Variants in PARD3B observed in about 807,000 individuals in gnomAD.
PARD3B encodes par-3 family cell polarity regulator beta, also known as partitioning defective 3 homolog B.
PARD3B carries 103 observed loss-of-function variants against 130.2 expected under a neutral mutation model. The observed-to-expected ratio is 0.79, with a 90% CI of 0.67 to 0.93. PARD3B has a LOEUF of 0.93. PARD3B is among the 40% of genes least tolerant of loss of function. The probability of loss-of-function intolerance (pLI) is 0.00; values close to 1 mark genes in which losing one functional copy is unlikely to be tolerated. For synonymous variants in PARD3B, 583 were observed against 553.2 expected (o/e 1.05, Z -0.76); for missense variants, 1,609 against 1,499.2 (o/e 1.07, Z -1.21).
At chr2:205,528,595 G>A (rs574643770) in intron 21 of PARD3B, among the ~76,000 whole-genome samples, 11 of 151,912 alleles carry the variant, frequency 7.2e-5, no homozygotes, top group African/African-American at 9.7e-5. Context: ...AGGTTCAAGC[G>A]ATTCTTCTGC....
chr2:205,210,453 G>A (rs1478685579), intron 15 of PARD3B, among the ~76,000 whole-genome samples: 3 of 152,032 alleles, frequency 2.0e-5, no homozygotes, highest in Non-Finnish European at 4.4e-5. Flanking sequence ...AATAAATGTA[G>A]CGTGATTCAC....
intron 2 of PARD3B, among the ~76,000 whole-genome samples, chr2:204,837,444 A>G (rs1178310623): frequency 6.8e-6 from 1 of 147,614 alleles, no homozygotes. Context: ...TTTTTGAGAC[A>G]GATTCTTACT....
At chr2:204,836,217 T>C (rs2044025926) in intron 2 of PARD3B, among the ~76,000 whole-genome samples, 1 of 152,190 alleles carries the variant, frequency 6.6e-6, no homozygotes, top group East Asian at 1.9e-4. Context: ...GAGATATAAC[T>C]TGTGGATTCA....
intron 18 of PARD3B, among the ~76,000 whole-genome samples, chr2:205,339,235 T>C (rs2043427777): frequency 6.6e-6 from 1 of 152,186 alleles, no homozygotes; most frequent in African/African-American, 2.4e-5. Context: ...GAAAATAAAA[T>C]TTTAATGATA....
At chr2:205,359,370 T>G (rs2044308147) in intron 18 of PARD3B, among the ~76,000 whole-genome samples, 1 of 152,232 alleles carries the variant, frequency 6.6e-6, no homozygotes, top group South Asian at 2.1e-4. Flanking sequence ...CTTATGCATG[T>G]ACTCTGGCTG....
intron 2 of PARD3B, among the ~76,000 whole-genome samples, chr2:204,840,457 C>T (rs2044218303): frequency 6.6e-6 from 1 of 152,036 alleles, no homozygotes; most frequent in South Asian, 2.1e-4. Context: ...GTTTTACCCT[C>T]CCAAATTACC....
intron 22 of PARD3B, among the ~76,000 whole-genome samples, chr2:205,581,248 A>G (rs1271305680): frequency 8.2e-6 from 1 of 121,870 alleles, no homozygotes; most frequent in Non-Finnish European, 1.7e-5. Flanking sequence ...ATAGATATAT[A>G]TAGATATATA....
intron 22 of PARD3B, among the ~76,000 whole-genome samples, chr2:205,586,444 G>A (rs1460883522): frequency 3.3e-5 from 5 of 152,056 alleles, no homozygotes; most frequent in African/African-American, 1.2e-4. Flanking sequence ...ATCCAGAAAG[G>A]GTTCTGTTGG....
chr2:205,054,968 G>A (rs751694718), intron 4 of PARD3B, among the ~76,000 whole-genome samples: 3 of 152,118 alleles, frequency 2.0e-5, no homozygotes, highest in South Asian at 2.1e-4. Flanking sequence ...GCCATGTGCA[G>A]TATCTCTATT....
rs2047086022 is a variant in PARD3B, at chr2:204,907,691, G to T, written c.223-57461G>T. Among the ~76,000 whole-genome samples, 1 of 151,802 alleles carries T rather than the reference G, an allele frequency of 6.6e-6. No homozygotes were observed. The highest frequency in any genetic ancestry group is 1.5e-5 in the Non-Finnish European group (1 of 67,932). ...CATGGGCTTGTTTCTATAAAGAGTG[G>T]TTTTTTTGTCTTGTTTTGTTTTGTT... On this transcript the variant is annotated intron_variant, in intron 2 of 22. Transcript: ENST00000406610. This position sits in a 1 kb window ranked among gnomAD's most constrained non-coding sequence, Gnocchi z 5.7.
At chr2:205,395,052 G>T (rs1453307059) in intron 18 of PARD3B, among the ~76,000 whole-genome samples, 1 of 152,146 alleles carries the variant, frequency 6.6e-6, no homozygotes, top group Non-Finnish European at 1.5e-5. Context: ...ATTCTTCTCT[G>T]TCCTCCATCT....
At chr2:205,204,411 C>T (rs2125832123) in intron 15 of PARD3B, among the ~76,000 whole-genome samples, 1 of 152,298 alleles carries the variant, frequency 6.6e-6, no homozygotes, top group East Asian at 1.9e-4. Flanking sequence ...CCTGTTCACT[C>T]TGATGATAGT....
intron 2 of PARD3B, among the ~76,000 whole-genome samples, chr2:204,719,914 G>A (rs1016156776): frequency 2.0e-5 from 3 of 152,116 alleles, no homozygotes; most frequent in African/African-American, 7.2e-5. Context: ...TAAATCTCAG[G>A]AAGAATGTAT....
chr2:205,539,933 A>C (rs971799088), intron 21 of PARD3B, among the ~76,000 whole-genome samples: 26 of 152,180 alleles, frequency 1.7e-4, no homozygotes, highest in Admixed American at 1.3e-4. Context: ...GTTCGAAAGT[A>C]ACTCAGGAAC....
chr2:205,582,465 TTCAA>T, intron 22 of PARD3B, among the ~76,000 whole-genome samples: 1 of 152,222 alleles, frequency 6.6e-6, no homozygotes, highest in South Asian at 2.1e-4. Flanking sequence ...AAAAAGCAGG[TTCAA>T]TCAGAGAAGG....
chr2:205,229,110 T>G lies in PARD3B; in HGVS notation c.2141-16668T>G, dbSNP rs187897637. 3.8e-4 allele frequency among the ~76,000 whole-genome samples: 58 copies of G among 152,348 alleles called. No individual in the cohort carries two copies. Among genetic ancestry groups the G allele is most frequent in the Admixed American group, 2.2e-3 (33 of 15,308 alleles). ...TGTCTCTCTGGGTTTGGGTCACTTG[T>G]GCCTTATTTAGTTCGTTTGGTGAAG... is the stretch of plus-strand genomic sequence containing the variant. On this transcript the variant is annotated intron_variant, in intron 15 of 22. Transcript: ENST00000406610. This position sits in a 1 kb window ranked among gnomAD's most constrained non-coding sequence, Gnocchi z 5.2.
At chr2:205,145,121 T>C (rs953102480) in intron 10 of PARD3B, among the ~76,000 whole-genome samples, 8 of 152,158 alleles carry the variant, frequency 5.3e-5, no homozygotes, top group African/African-American at 1.9e-4. Context: ...AGCTATATTA[T>C]CTTTATTAAG....
chr2:204,920,243 T>C (rs2047618060), intron 2 of PARD3B, among the ~76,000 whole-genome samples: 1 of 152,194 alleles, frequency 6.6e-6, no homozygotes, highest in African/African-American at 2.4e-5. Flanking sequence ...GTATACACTT[T>C]CGAGCATTGA....
chr2:204,703,279 A>G (rs2037979986), intron 2 of PARD3B, among the ~76,000 whole-genome samples: 1 of 152,072 alleles, frequency 6.6e-6, no homozygotes, highest in African/African-American at 2.4e-5. Flanking sequence ...TTTTCATGGT[A>G]TTTTTCTGGA....
Sources: gnomAD v4.1 joint callset for allele counts (sites outside exome capture counted in the v4.1 genomes callset) on GRCh38, gnomAD v4.1.1 for gene constraint, Gnocchi (gnomAD v3.1) non-coding constraint, MANE v1.5 for transcripts, NCBI Gene and HGNC (gene_info 2026-07-23, HGNC 2026-07-21) for gene names.